Variants in MON2 observed in about 807,000 individuals in gnomAD.
MON2 encodes MON2 regulator of endosome-to-Golgi trafficking.
MON2 carries 84 observed loss-of-function variants against 208.6 expected under a neutral mutation model. The observed-to-expected ratio is 0.40, with a 90% CI of 0.34 to 0.48. MON2 has a LOEUF of 0.48. Ranked by LOEUF, MON2 falls within the 20% of genes least tolerant of loss-of-function variation. The pLI, the probability that MON2 is intolerant of heterozygous loss-of-function variation, is 0.59. For synonymous variants in MON2, 660 were observed against 694.0 expected (o/e 0.95, Z 0.77); for missense variants, 1,611 against 2,015.4 (o/e 0.80, Z 3.84).
chr12:62,524,662 TTAAA>T (rs1387248398), intron 9 of MON2, 23 bp downstream of exon 9: 5 of 1,607,024 alleles, frequency 3.1e-6, no homozygotes, highest in Non-Finnish European at 4.3e-6. Flanking sequence ...CAATAGTTTG[TTAAA>T]TAGATAGGTT....
chr12:62,505,051 T>C (rs569284316), intron 7 of MON2, among the ~76,000 whole-genome samples: 2 of 152,348 alleles, frequency 1.3e-5, no homozygotes, highest in Admixed American at 1.3e-4. Context: ...GATGTCTTCT[T>C]TTCTAGAAAA....
In MON2 at chr12:62,536,002, GC is replaced by G. The variant is rs1283602232; in HGVS notation, c.1900+294del. On this transcript the variant is annotated intron_variant, in intron 14 of 34. Coordinates refer to ENST00000393630, the MANE Select transcript of MON2 (RefSeq NM_015026.3). ...TATATAATGTGAATAGGTATATAAT[GC>G]AAACATAAGTATTTACAAATATATT... Among the ~76,000 whole-genome samples, 15 of 152,014 alleles carry G rather than the reference GC, an allele frequency of 9.9e-5. No homozygotes were observed. The East Asian group carries it at 2.7e-3, about 27-fold the overall frequency.
intron 12 of MON2, among the ~76,000 whole-genome samples, chr12:62,534,530 AAAAAAAAAAAAAAT>A (rs2072825417): frequency 5.1e-5 from 2 of 39,350 alleles, no homozygotes; most frequent in African/African-American, 1.3e-4. Context: ...AAAAAAAAAA[AAAAAAAAAAAAAAT>A]ATATATATAT....
chr12:62,560,563 T>TA lies in MON2; in HGVS notation c.3483dup (p.Ser1162IlefsTer23). The TA allele has an allele frequency of 6.2e-7, 1 of 1,614,074 alleles. No homozygotes were observed. Among genetic ancestry groups the TA allele is most frequent in the Non-Finnish European group, 8.5e-7 (1 of 1,179,998 alleles). ...GCAGCACTCAGCAAAAACAATGAAG[T>TA]ATCTCTGGCTGCTCTGAAAAGCTTC... On this transcript the variant is annotated frameshift_variant, in exon 26 of 35. Transcript: ENST00000393630. LOFTEE classifies it high-confidence loss of function.
Position 62,467,173 on chromosome 12 carries a change from T to C in MON2, c.-35T>C. 1 of 1,584,688 alleles carries C rather than the reference T, an allele frequency of 6.3e-7. No homozygotes were observed. On this transcript the variant is annotated 5_prime_UTR_variant, in exon 1 of 35. Transcript: ENST00000393630. ...AGCTGACCGTGCCAGAGCTTGTTTG[T>C]ACCTCTCGGAAATTGGCTGGGACCT... is the stretch of plus-strand genomic sequence containing the variant.
chr12:62,552,284 A>C (rs897940353), intron 23 of MON2, among the ~76,000 whole-genome samples: 1 of 152,160 alleles, frequency 6.6e-6, no homozygotes, highest in African/African-American at 2.4e-5. Context: ...ATGGGAAAAA[A>C]TGTAAGCATG....
rs1305392295 is a variant in MON2 at position 62,508,383 on chromosome 12, C to T, written c.887C>T (p.Ser296Leu). ...NIKFRQGSST[S>L]SSPAPVEKPY... ...AAGTTCAGACAAGGTTCCAGCACCT[C>T]ATCTTCTCCAGCACCAGTTGAAAAA... Residue 296 changes from serine to leucine, a missense_variant, in exon 8 of 35, where the codon TCA (serine) becomes TTA (leucine). Physicochemically the swap from Ser to Leu is moderately radical, Grantham distance 145. Transcript: ENST00000393630. The T allele has an allele frequency of 1.2e-6, 2 of 1,613,916 alleles. No individual in the cohort carries two copies. The highest frequency in any genetic ancestry group is 8.5e-7 in the Non-Finnish European group (1 of 1,179,802).
At chr12:62,496,386 A>T (rs1031712333) in intron 4 of MON2, among the ~76,000 whole-genome samples, 1 of 152,160 alleles carries the variant, frequency 6.6e-6, no homozygotes, top group African/African-American at 2.4e-5. Flanking sequence ...ATAATTGGGG[A>T]TGAGAAAAAT....
chr12:62,587,968 C>T, intron 33 of MON2, 106 bp from the exon 34 acceptor site: 1 of 675,100 alleles, frequency 1.5e-6, no homozygotes. Flanking sequence ...GTATTGTGTT[C>T]AGTATTTTTC....
intron 8 of MON2, among the ~76,000 whole-genome samples, chr12:62,509,384 G>A (rs1161230080): frequency 3.3e-5 from 5 of 152,016 alleles, no homozygotes; most frequent in Admixed American, 1.3e-4. Flanking sequence ...CAAAGTGCTG[G>A]GATTACAGGC....
At chr12:62,579,580 G>A (rs1161770630) in intron 31 of MON2, among the ~76,000 whole-genome samples, 11 of 147,302 alleles carry the variant, frequency 7.5e-5, no homozygotes. Context: ...AAAAAAATTA[G>A]CTGGGCGTGG....
intron 8 of MON2, among the ~76,000 whole-genome samples, chr12:62,516,602 G>A (rs1429498103): frequency 6.6e-6 from 1 of 152,172 alleles, no homozygotes; most frequent in Non-Finnish European, 1.5e-5. Context: ...TACTCGGGAG[G>A]CTGAGGCAGG....
chr12:62,493,670 C>T (rs2070306896), intron 2 of MON2, among the ~76,000 whole-genome samples: 1 of 151,994 alleles, frequency 6.6e-6, no homozygotes, highest in South Asian at 2.1e-4. Context: ...TGGAGGAGAA[C>T]CAAAGGACAG....
At chr12:62,590,528 C>T (rs1323291220) in intron 34 of MON2, among the ~76,000 whole-genome samples, 1 of 152,166 alleles carries the variant, frequency 6.6e-6, no homozygotes, top group Non-Finnish European at 1.5e-5. Flanking sequence ...TTTCCTTATT[C>T]TCTATCTGCC....
chr12:62,498,612 C>G (rs1294147724), intron 4 of MON2, among the ~76,000 whole-genome samples: 3 of 152,142 alleles, frequency 2.0e-5, no homozygotes, highest in Admixed American at 2.0e-4. Flanking sequence ...AGTGATACAA[C>G]AAACTTTGAG....
intron 8 of MON2, among the ~76,000 whole-genome samples, chr12:62,522,754 A>G (rs993083000): frequency 6.6e-6 from 1 of 152,212 alleles, no homozygotes; most frequent in African/African-American, 2.4e-5. Context: ...GCCCTTGTTC[A>G]GTGTTCAGTG....
chr12:62,527,781 C>G (rs1056369189), intron 11 of MON2, among the ~76,000 whole-genome samples: 1 of 151,334 alleles, frequency 6.6e-6, no homozygotes, highest in African/African-American at 2.4e-5. Context: ...GAAAGGGTCT[C>G]CCTGAGGAAA....
At chr12:62,500,046 T>C (rs997573001) in intron 5 of MON2, among the ~76,000 whole-genome samples, 1 of 152,176 alleles carries the variant, frequency 6.6e-6, no homozygotes, top group African/African-American at 2.4e-5. Context: ...ATATTCAAAA[T>C]CATATTGTAA....
intron 31 of MON2, among the ~76,000 whole-genome samples, chr12:62,579,015 T>A (rs778051726): frequency 1.3e-5 from 2 of 151,772 alleles, no homozygotes; most frequent in Non-Finnish European, 2.9e-5. Context: ...GCAGGAGGAT[T>A]GCTTGAGACC....
Sources: gnomAD v4.1 joint callset for allele counts (sites outside exome capture counted in the v4.1 genomes callset) on GRCh38, gnomAD v4.1.1 for gene constraint, MANE v1.5 for transcripts, NCBI Gene and HGNC (gene_info 2026-07-23, HGNC 2026-07-21) for gene names.